Variants in TRABD2B observed in about 807,000 individuals in gnomAD.
The protein encoded by TRABD2B is metalloprotease TIKI2.
Under a neutral mutation model 40.1 loss-of-function variants are expected in TRABD2B, and 14 were observed. That is an observed-to-expected ratio of 0.35 (90% CI 0.23 to 0.55). The LOEUF is 0.55. TRABD2B is among the 20% of genes least tolerant of loss of function. The pLI, the probability that TRABD2B is intolerant of heterozygous loss-of-function variation, is 0.90. For missense variants in TRABD2B, 541 were observed against 648.6 expected (o/e 0.83, Z 1.80); for synonymous variants, 263 against 277.0 (o/e 0.95, Z 0.50).
chr1:47,831,280 C>T (rs1645245550), intron 2 of TRABD2B, among the ~76,000 whole-genome samples: 1 of 152,096 alleles, frequency 6.6e-6, no homozygotes, highest in South Asian at 2.1e-4. Context: ...ATTAATAGGT[C>T]CTACTGAGGC....
intron 2 of TRABD2B, among the ~76,000 whole-genome samples, chr1:47,893,414 C>T (rs1557641153): frequency 6.6e-6 from 1 of 152,164 alleles, no homozygotes; most frequent in East Asian, 1.9e-4. Flanking sequence ...GAAACCCTCA[C>T]TCCATCACAT....
chr1:47,956,191 A>C (rs1645419093), intron 2 of TRABD2B, among the ~76,000 whole-genome samples: 1 of 152,210 alleles, frequency 6.6e-6, no homozygotes, highest in Non-Finnish European at 1.5e-5. Flanking sequence ...CCACCACATA[A>C]GACCTGAAGA....
intron 2 of TRABD2B, among the ~76,000 whole-genome samples, chr1:47,846,855 C>T (rs1341917201): frequency 7.7e-6 from 1 of 130,272 alleles, no homozygotes; most frequent in Non-Finnish European, 1.6e-5. Context: ...TTAAAACATG[C>T]ATACACACAC....
At chr1:47,872,041 C>G (rs964578096) in intron 2 of TRABD2B, among the ~76,000 whole-genome samples, 1 of 152,080 alleles carries the variant, frequency 6.6e-6, no homozygotes, top group Non-Finnish European at 1.5e-5. Flanking sequence ...GAACTCTGGG[C>G]TCCTGCAAGG....
At chr1:47,832,642 T>A (rs560128270) in intron 2 of TRABD2B, among the ~76,000 whole-genome samples, 1 of 152,256 alleles carries the variant, frequency 6.6e-6, no homozygotes, top group African/African-American at 2.4e-5. Flanking sequence ...CCTAGTTAAG[T>A]CCCAATAATT....
chr1:47,915,002 A>T (rs1644811399), intron 2 of TRABD2B, among the ~76,000 whole-genome samples: 1 of 152,236 alleles, frequency 6.6e-6, no homozygotes, highest in African/African-American at 2.4e-5. Flanking sequence ...AGCCCACTTC[A>T]GTACAGCGAG....
chr1:47,849,461 C>G (rs563478416), intron 2 of TRABD2B, among the ~76,000 whole-genome samples: 1 of 152,326 alleles, frequency 6.6e-6, no homozygotes, highest in African/African-American at 2.4e-5. Flanking sequence ...GCCACCCAGT[C>G]TGTGGTTCTT....
At chr1:47,929,815 C>T (rs1375172131) in intron 2 of TRABD2B, among the ~76,000 whole-genome samples, 2 of 152,214 alleles carry the variant, frequency 1.3e-5, no homozygotes, top group Non-Finnish European at 2.9e-5. Context: ...ATCCTCATCT[C>T]CCTCTTCACC....
chr1:47,824,654 GGA>G (rs1645151924), intron 2 of TRABD2B, among the ~76,000 whole-genome samples: 1 of 152,176 alleles, frequency 6.6e-6, no homozygotes, highest in South Asian at 2.1e-4. Flanking sequence ...GACCTTTGTG[GGA>G]GAGAGGCCCC....
Position 47,987,852 on chromosome 1 carries a change from G to T in TRABD2B, c.666+6182C>A, listed in dbSNP as rs1570422077. ...CAGACTGCCGAAGCACAAGGTGAAG[G>T]TCGCGCCAGAAGAAGCCTGTTTCTC... On this transcript the variant is annotated intron_variant, in intron 2 of 6. Transcript: ENST00000606738. 2.6e-5 allele frequency among the ~76,000 whole-genome samples: 4 copies of T among 152,186 alleles called. No individual in the cohort carries two copies. In the South Asian group the frequency reaches 6.2e-4, roughly 24 times the overall value.
chr1:47,937,724 C>T (rs1645132539), intron 2 of TRABD2B, among the ~76,000 whole-genome samples: 1 of 152,136 alleles, frequency 6.6e-6, no homozygotes, highest in Non-Finnish European at 1.5e-5. Context: ...GGTGGGGCCA[C>T]CCAATGTTTA....
chr1:47,889,927 T>A (rs1644422228), intron 2 of TRABD2B, among the ~76,000 whole-genome samples: 1 of 152,236 alleles, frequency 6.6e-6, no homozygotes, highest in Non-Finnish European at 1.5e-5. Flanking sequence ...TAGGACAGTG[T>A]CTCATCTAGA....
chr1:47,824,471 G>A (rs1294527149), intron 2 of TRABD2B, among the ~76,000 whole-genome samples: 1 of 152,212 alleles, frequency 6.6e-6, no homozygotes, highest in Admixed American at 6.5e-5. Context: ...AAACCTGTGG[G>A]TGGATGGGGT....
intron 2 of TRABD2B, among the ~76,000 whole-genome samples, chr1:47,831,919 G>A (rs1197253749): frequency 6.6e-6 from 1 of 152,134 alleles, no homozygotes; most frequent in Non-Finnish European, 1.5e-5. Flanking sequence ...AACACCTACT[G>A]TGTGCTCCAA....
chr1:47,833,721 A>C (rs976114922), intron 2 of TRABD2B, among the ~76,000 whole-genome samples: 1 of 152,146 alleles, frequency 6.6e-6, no homozygotes, highest in Non-Finnish European at 1.5e-5. Context: ...ATTCTCTTAC[A>C]TCCAGCTTGC....
chr1:47,811,056 C>T (rs1027587375), intron 2 of TRABD2B, among the ~76,000 whole-genome samples: 19 of 152,236 alleles, frequency 1.2e-4, no homozygotes, highest in African/African-American at 4.1e-4. Context: ...GGAGAGAGGT[C>T]ATAGTGAGGT....
chr1:47,793,376 T>C (rs1644702608), intron 4 of TRABD2B, among the ~76,000 whole-genome samples: 1 of 152,240 alleles, frequency 6.6e-6, no homozygotes, highest in Non-Finnish European at 1.5e-5. Flanking sequence ...CCTGTGTCTC[T>C]ACTACGTGAG....
intron 2 of TRABD2B, among the ~76,000 whole-genome samples, chr1:47,958,072 A>G (rs955140144): frequency 2.0e-5 from 3 of 152,172 alleles, no homozygotes; most frequent in South Asian, 2.1e-4. Context: ...CTTAAAGAAA[A>G]GAATTTTCAA....
intron 2 of TRABD2B, among the ~76,000 whole-genome samples, chr1:47,836,662 T>C (rs1645322569): frequency 6.6e-6 from 1 of 152,218 alleles, no homozygotes; most frequent in Non-Finnish European, 1.5e-5. Flanking sequence ...TCAAAGTTCA[T>C]TGTTGAAACC....
Sources: allele counts gnomAD v4.1 joint callset (sites outside exome capture counted in the v4.1 genomes callset), GRCh38; gene constraint gnomAD v4.1.1; transcripts MANE v1.5; gene names NCBI Gene and HGNC (gene_info 2026-07-23, HGNC 2026-07-21).